STIM2: variants seen among roughly 807,000 people sequenced by gnomAD.
STIM2 encodes the protein stromal interaction molecule 2.
STIM2 carries 31 observed loss-of-function variants against 85.8 expected under a neutral mutation model. That is an observed-to-expected ratio of 0.36 (90% CI 0.27 to 0.49). STIM2 has a LOEUF of 0.49. Ranked by LOEUF, STIM2 falls within the 20% of genes least tolerant of loss-of-function variation. The pLI, the probability that STIM2 is intolerant of heterozygous loss-of-function variation, is 0.98. For missense variants in STIM2, 841 were observed against 927.6 expected (o/e 0.91, Z 1.21); for synonymous variants, 356 against 331.1 (o/e 1.08, Z -0.82).
intron 1 of STIM2, among the ~76,000 whole-genome samples, chr4:26,886,992 C>T (rs1723275513): frequency 6.6e-6 from 1 of 152,020 alleles, no homozygotes; most frequent in African/African-American, 2.4e-5. Context: ...ATGCTAAATA[C>T]AGTGAAAGCC....
intron 2 of STIM2, among the ~76,000 whole-genome samples, chr4:26,948,500 C>T (rs1285349397): frequency 5.3e-5 from 8 of 152,150 alleles, no homozygotes; most frequent in South Asian, 2.1e-4. Flanking sequence ...CAGTGGCGTA[C>T]GCCTGAAATC....
intron 8 of STIM2, among the ~76,000 whole-genome samples, 198 bp from the exon 9 acceptor site, chr4:27,008,230 C>T (rs371542931): frequency 6.6e-6 from 1 of 152,148 alleles, no homozygotes; most frequent in Non-Finnish European, 1.5e-5. Context: ...TGAATTACAT[C>T]GATTGGCTTA....
intron 1 of STIM2, among the ~76,000 whole-genome samples, chr4:26,872,958 A>G (rs529045520): frequency 6.6e-6 from 1 of 152,232 alleles, no homozygotes; most frequent in Non-Finnish European, 1.5e-5. Flanking sequence ...GCAAGAAAGA[A>G]TTGGAATTAT....
intron 11 of STIM2, among the ~76,000 whole-genome samples, chr4:27,018,802 G>T (rs981781690): frequency 2.0e-5 from 3 of 152,204 alleles, no homozygotes; most frequent in African/African-American, 4.8e-5. Flanking sequence ...GCATGAGCTT[G>T]AATATACTTG....
At chr4:26,877,308 G>A (rs1307499542) in intron 1 of STIM2, among the ~76,000 whole-genome samples, 1 of 151,804 alleles carries the variant, frequency 6.6e-6, no homozygotes, top group Admixed American at 6.6e-5. Flanking sequence ...TTTTAGCATT[G>A]CCATTTGACT....
At chr4:26,950,404 A>G (rs1398967028) in intron 2 of STIM2, among the ~76,000 whole-genome samples, 3 of 152,198 alleles carry the variant, frequency 2.0e-5, no homozygotes, top group African/African-American at 7.2e-5. Flanking sequence ...TCAGATTGGA[A>G]GAAGCATTAT....
At chr4:26,900,098 G>A (rs756707626) in intron 1 of STIM2, among the ~76,000 whole-genome samples, 4 of 152,190 alleles carry the variant, frequency 2.6e-5, no homozygotes, top group African/African-American at 9.7e-5. Context: ...AAGAGAGGGA[G>A]TAGAAGGAGC....
chr4:26,933,190 CAAA>C (rs1161592168), intron 2 of STIM2, among the ~76,000 whole-genome samples: 1 of 92,348 alleles, frequency 1.1e-5, no homozygotes. Flanking sequence ...ATTGAGAGCT[CAAA>C]AAAAAAAAAA....
intron 11 of STIM2, 58 bp from the exon 12 acceptor site, chr4:27,022,461 T>C: frequency 2.2e-6 from 3 of 1,351,136 alleles, no homozygotes; most frequent in East Asian, 2.3e-5. Context: ...GAATGTCTGC[T>C]AGTACTCTTA....
chr4:26,893,738 T>G (rs568005714), intron 1 of STIM2, among the ~76,000 whole-genome samples: 2 of 150,810 alleles, frequency 1.3e-5, no homozygotes, highest in Non-Finnish European at 1.5e-5. Flanking sequence ...CAGTTTACTT[T>G]CCCAGTGTCA....
At chr4:26,996,137 C>G (rs1160600529) in intron 4 of STIM2, among the ~76,000 whole-genome samples, 1 of 151,952 alleles carries the variant, frequency 6.6e-6, no homozygotes, top group Non-Finnish European at 1.5e-5. Flanking sequence ...TCCAGGTTGC[C>G]AGTTTATCCC....
At chr4:26,950,059 T>C (rs2109087864) in intron 2 of STIM2, among the ~76,000 whole-genome samples, 1 of 152,320 alleles carries the variant, frequency 6.6e-6, no homozygotes, top group East Asian at 1.9e-4. Flanking sequence ...TTCTCAGTGA[T>C]GGATACTAGA....
chr4:26,948,242 C>T (rs1311709728), intron 2 of STIM2, among the ~76,000 whole-genome samples: 1 of 152,182 alleles, frequency 6.6e-6, no homozygotes, highest in Non-Finnish European at 1.5e-5. Context: ...TCTGTGGCCA[C>T]AGCAGAGAGA....
At chr4:26,878,381 T>G (rs1577410560) in intron 1 of STIM2, among the ~76,000 whole-genome samples, 1 of 152,108 alleles carries the variant, frequency 6.6e-6, no homozygotes, top group East Asian at 1.9e-4. Context: ...CCCCTAGCAG[T>G]AGTATACTTC....
Position 26,938,727 on chromosome 4 carries a change from G to A in STIM2, c.283-18885G>A, listed in dbSNP as rs190071695. On this transcript the variant is annotated intron_variant, in intron 2 of 11. Coordinates refer to ENST00000467087, the MANE Select transcript of STIM2 (RefSeq NM_020860.4). ...AACCTCACATTTAATGCTGTCTCAC[G>A]TTATCTTCAGCAGTACTTTTTTGAG... is the stretch of plus-strand genomic sequence containing the variant. Among the ~76,000 whole-genome samples the A allele has an allele frequency of 3.3e-5, 5 of 152,208 alleles. No homozygotes were observed. The East Asian group carries it at 9.7e-4, about 29-fold the overall frequency.
chr4:27,006,840 C>T (rs928381736), intron 7 of STIM2, among the ~76,000 whole-genome samples: 2 of 152,162 alleles, frequency 1.3e-5, no homozygotes, highest in Non-Finnish European at 2.9e-5. Flanking sequence ...AAAATCTGTA[C>T]ATGCTCTGCA....
Position 27,009,005 on chromosome 4 carries a change from A to T in STIM2, c.1489+3A>T. ...CCCAATAGTGTCACAATTTCCCGGTAAGTGGCAATTTCAACAAAAATTGTT... is the reference window on the plus strand; with the variant it reads ...CCCAATAGTGTCACAATTTCCCGGTTAGTGGCAATTTCAACAAAAATTGTT... On this transcript the variant is annotated splice_donor_region_variant and intron_variant, in intron 10 of 11. Transcript: ENST00000467087. 6.2e-7 allele frequency: 1 copy of T among 1,608,210 alleles called. No individual in the cohort carries two copies. Among genetic ancestry groups the T allele is most frequent in the Middle Eastern group, 1.7e-4 (1 of 6,030 alleles).
At chr4:26,986,261 A>G (rs1038340798) in intron 3 of STIM2, among the ~76,000 whole-genome samples, 2 of 152,216 alleles carry the variant, frequency 1.3e-5, no homozygotes, top group African/African-American at 4.8e-5. Flanking sequence ...TGCTCACAAA[A>G]TGTTTGGTAC....
At chr4:26,903,074 C>A (rs1453674437) in intron 1 of STIM2, among the ~76,000 whole-genome samples, 1 of 152,040 alleles carries the variant, frequency 6.6e-6, no homozygotes, top group Non-Finnish European at 1.5e-5. Context: ...AGTCTGCATA[C>A]TGTAGTGGAA....
Sources: gnomAD v4.1 joint callset for allele counts (sites outside exome capture counted in the v4.1 genomes callset) on GRCh38, gnomAD v4.1.1 for gene constraint, MANE v1.5 for transcripts, NCBI Gene and HGNC (gene_info 2026-07-23, HGNC 2026-07-21) for gene names.